Variants in CALN1 observed in about 807,000 individuals in gnomAD.
The protein encoded by CALN1 is calneuron 1.
CALN1 carries 17 observed loss-of-function variants against 30.6 expected under a neutral mutation model. The observed-to-expected ratio is 0.56, with a 90% CI of 0.38 to 0.83. CALN1 has a LOEUF of 0.83. Ranked by LOEUF, CALN1 falls within the 40% of genes least tolerant of loss-of-function variation. The pLI is 0.00. For synonymous variants in CALN1, 156 were observed against 131.4 expected, an observed-to-expected ratio of 1.19 and a Z score of -1.28; for missense variants, 291 against 354.9, an observed-to-expected ratio of 0.82 and a Z score of 1.45.
chr7:72,198,597 T>C (rs1260962282), intron 3 of CALN1, among the ~76,000 whole-genome samples: 1 of 151,690 alleles, frequency 6.6e-6, no homozygotes, highest in African/African-American at 2.4e-5. Flanking sequence ...CCCCCCACCC[T>C]TTAAAATAAC....
chr7:72,118,420 C>T (rs947279576), intron 3 of CALN1, among the ~76,000 whole-genome samples: 2 of 152,158 alleles, frequency 1.3e-5, no homozygotes, highest in African/African-American at 4.8e-5. Flanking sequence ...GTATTTCTTT[C>T]TTAAGCTAGA....
At chr7:71,827,573 C>T (rs528072676) in intron 5 of CALN1, among the ~76,000 whole-genome samples, 1 of 152,114 alleles carries the variant, frequency 6.6e-6, no homozygotes, top group South Asian at 2.1e-4. Context: ...GAGTTCGAGA[C>T]AAGCCTGGCC....
At chr7:72,410,336 TGTATTCAAAA>T (rs569881960) in intron 1 of CALN1, among the ~76,000 whole-genome samples, 16 of 152,326 alleles carry the variant, frequency 1.1e-4, no homozygotes, top group African/African-American at 3.4e-4. Flanking sequence ...ACTACTAAGA[TGTATTCAAAA>T]GCACAAAAAA....
intron 4 of CALN1, among the ~76,000 whole-genome samples, chr7:72,025,677 G>C (rs1036336539): frequency 6.6e-6 from 1 of 152,034 alleles, no homozygotes; most frequent in Non-Finnish European, 1.5e-5. Context: ...TGCTCAAAAG[G>C]GCAACTCCAT....
chr7:72,231,236 A>G (rs374042151), intron 3 of CALN1, among the ~76,000 whole-genome samples: 7 of 152,008 alleles, frequency 4.6e-5, no homozygotes, highest in African/African-American at 1.2e-4. Context: ...CCACTTAGGT[A>G]TTAAGCCCAG....
intron 5 of CALN1, among the ~76,000 whole-genome samples, chr7:71,935,497 C>T (rs1584548091): frequency 1.3e-5 from 2 of 152,090 alleles, no homozygotes; most frequent in South Asian, 2.1e-4. Flanking sequence ...CCGAGGCGGG[C>T]GGATCACCTG....
chr7:72,053,824 G>A (rs1037364593), intron 4 of CALN1, among the ~76,000 whole-genome samples: 6 of 137,076 alleles, frequency 4.4e-5, no homozygotes, highest in East Asian at 4.4e-4. Context: ...AAAGTCCATC[G>A]TATCATTCTT....
At chr7:72,277,983 G>T (rs1797448696) in intron 3 of CALN1, among the ~76,000 whole-genome samples, 1 of 126,616 alleles carries the variant, frequency 7.9e-6, no homozygotes, top group South Asian at 3.0e-4. Flanking sequence ...AAAACATCAG[G>T]CCAAATCAAC....
chr7:72,121,649 A>G (rs1808400831), intron 3 of CALN1, among the ~76,000 whole-genome samples: 2 of 148,748 alleles, frequency 1.3e-5, no homozygotes, highest in African/African-American at 4.9e-5. Flanking sequence ...TTCGCTTAGG[A>G]TTACATTTCT....
intron 3 of CALN1, among the ~76,000 whole-genome samples, chr7:72,228,967 G>T (rs1038601852): frequency 4.0e-5 from 6 of 150,238 alleles, no homozygotes; most frequent in Admixed American, 2.7e-4. Context: ...GTGGGGGGCG[G>T]GGATCTCACT....
At chr7:71,833,578 A>G (rs1190094139) in intron 5 of CALN1, among the ~76,000 whole-genome samples, 1 of 25,994 alleles carries the variant, frequency 3.8e-5, no homozygotes, top group South Asian at 1.6e-3. Flanking sequence ...CATGGTAAAG[A>G]AAAAAAAAAA....
intron 1 of CALN1, among the ~76,000 whole-genome samples, chr7:72,437,010 G>T (rs1808181227): frequency 1.3e-5 from 2 of 151,986 alleles, no homozygotes; most frequent in Admixed American, 1.3e-4. Flanking sequence ...AGGAGGACAA[G>T]TCTGCAGTGA....
chr7:72,134,581 T>C (rs1809377969), intron 3 of CALN1, among the ~76,000 whole-genome samples: 1 of 152,220 alleles, frequency 6.6e-6, no homozygotes, highest in South Asian at 2.1e-4. Context: ...AAAAATGTAC[T>C]TTTATTTAAA....
At chr7:72,210,259 C>T (rs1280940087) in intron 3 of CALN1, among the ~76,000 whole-genome samples, 1 of 152,080 alleles carries the variant, frequency 6.6e-6, no homozygotes, top group African/African-American at 2.4e-5. Flanking sequence ...TTCTTCCCCA[C>T]CCCACCCTAA....
chr7:72,179,189 AC>A lies in CALN1; in HGVS notation c.245-72896del, dbSNP rs530091045. Among the ~76,000 whole-genome samples, 18 of 152,350 alleles carry A rather than the reference AC, an allele frequency of 1.2e-4. No individual in the cohort carries two copies. In the South Asian group the frequency reaches 3.7e-3, roughly 32 times the overall value. On this transcript the variant is annotated intron_variant, in intron 3 of 6. Coordinates refer to ENST00000395275, the MANE Select transcript of CALN1 (RefSeq NM_031468.4). ...ACTTTCAAGGGCATTCAGTAACAAA[AC>A]GAAGTAGATAAGAAAAACATTCTAT...
At chr7:71,964,612 A>G (rs1420810677) in intron 5 of CALN1, among the ~76,000 whole-genome samples, 1 of 152,018 alleles carries the variant, frequency 6.6e-6, no homozygotes, top group African/African-American at 2.4e-5. Flanking sequence ...GCTCACGCTG[A>G]GATCACGCCA....
chr7:71,796,685 CT>C (rs1402808007), intron 6 of CALN1, among the ~76,000 whole-genome samples: 2 of 152,112 alleles, frequency 1.3e-5, no homozygotes, highest in African/African-American at 4.8e-5. Context: ...AGGAACTGAC[CT>C]TTTGGGGTCT....
At chr7:72,420,408 G>C (rs1211917299) in intron 1 of CALN1, among the ~76,000 whole-genome samples, 1 of 151,960 alleles carries the variant, frequency 6.6e-6, no homozygotes, top group Non-Finnish European at 1.5e-5. Context: ...GATGCTGGCT[G>C]GGAGGCTTCA....
intron 2 of CALN1, among the ~76,000 whole-genome samples, chr7:72,322,420 C>T (rs1800950320): frequency 6.6e-6 from 1 of 152,154 alleles, no homozygotes; most frequent in Non-Finnish European, 1.5e-5. Flanking sequence ...CCTAACAGGC[C>T]ATGGACCAGT....
Sources: allele counts gnomAD v4.1 joint callset (sites outside exome capture counted in the v4.1 genomes callset), GRCh38; gene constraint gnomAD v4.1.1; transcripts MANE v1.5; gene names NCBI Gene and HGNC (gene_info 2026-07-23, HGNC 2026-07-21).